PPIL2: variants seen among roughly 807,000 people sequenced by gnomAD.
PPIL2 encodes the protein peptidylprolyl isomerase like 2, also known as RING-type E3 ubiquitin-protein ligase PPIL2.
PPIL2 carries 50 observed loss-of-function variants against 75.2 expected under a neutral mutation model. The observed-to-expected ratio is 0.66, with a 90% confidence interval of 0.53 to 0.84. The LOEUF (loss-of-function observed/expected upper bound fraction) is 0.84. PPIL2 is among the 40% of genes least tolerant of loss of function. The pLI, the probability that PPIL2 is intolerant of heterozygous loss-of-function variation, is 0.00. For synonymous variants in PPIL2, 245 were observed against 258.8 expected, an observed-to-expected ratio of 0.95 and a Z score of 0.51; for missense variants, 590 against 685.0, an observed-to-expected ratio of 0.86 and a Z score of 1.55.
rs181571858 is a variant in PPIL2 at position 21,687,396 on chromosome 22, T to C, written c.898-247T>C. Among the ~76,000 whole-genome samples, 648 of 152,062 alleles carry C rather than the reference T, an allele frequency of 4.3e-3. 6 individuals are homozygous for C. Among genetic ancestry groups the C allele is most frequent in the African/African-American group, 0.015 (614 of 41,484 alleles). ...TGGGGAAACCCGTCTCTACTAAAAC[T>C]ACAAAAATTAGCCAGGCATGGTGGC... On this transcript the variant is annotated intron_variant, in intron 12 of 19. Transcript: ENST00000398831.
At position 21,671,439 on chromosome 22, in the gene PPIL2, TTGAGA is replaced by T. The variant is rs1281995871; in HGVS notation, c.191+382_191+386del. Among the ~76,000 whole-genome samples, 3 of 152,254 alleles carry T rather than the reference TTGAGA, an allele frequency of 2.0e-5. No individual in the cohort carries two copies. The East Asian group carries it at 5.8e-4, about 29-fold the overall frequency. On this transcript the variant is annotated intron_variant, in intron 4 of 19. Coordinates refer to ENST00000398831, the MANE Select transcript of PPIL2 (RefSeq NM_014337.4). ...TGTGAACTTATTTGTAGTAACATGA[TTGAGA>T]TAACACTGTGAACACTGTGAAGTGT...
chr22:21,674,665 T>G (rs1669121), intron 5 of PPIL2, among the ~76,000 whole-genome samples: 1 of 151,998 alleles, frequency 6.6e-6, no homozygotes, highest in African/African-American at 2.4e-5. Context: ...GTTGCCGCTG[T>G]ACTCCAGCCT....
chr22:21,695,219 T>C, intron 19 of PPIL2, 149 bp downstream of exon 19: 3 of 1,355,914 alleles, frequency 2.2e-6, no homozygotes, highest in Non-Finnish European at 2.9e-6. Context: ...GCCGAGGGAC[T>C]GCCTCTGAAG....
At chr22:21,687,841 AG>A (rs1601576655) in intron 13 of PPIL2, 109 bp downstream of exon 13, 1 of 1,188,366 alleles carries the variant, frequency 8.4e-7, no homozygotes, top group Non-Finnish European at 1.2e-6. Context: ...CACGGTGGCC[AG>A]GATGAGTCCA....
At chr22:21,675,820 C>G (rs1042337618) in intron 6 of PPIL2, among the ~76,000 whole-genome samples, 6 of 152,238 alleles carry the variant, frequency 3.9e-5, no homozygotes, top group African/African-American at 1.4e-4. Context: ...TCCAGTAGCT[C>G]TTGGGCTAGG....
intron 4 of PPIL2, among the ~76,000 whole-genome samples, chr22:21,671,651 T>G (rs139657938): frequency 4.5e-4 from 69 of 152,266 alleles, no homozygotes; most frequent in Non-Finnish European, 7.5e-4. Context: ...GAAGCAGTCC[T>G]TCCACCTCAG....
rs1322900932 is a variant in PPIL2 at position 21,696,895 on chromosome 22, GACC to G, written c.*1408_*1410del. 13 of 1,592,744 alleles carry G rather than the reference GACC, an allele frequency of 8.2e-6. No homozygotes were observed. The highest frequency in any genetic ancestry group is 1.1e-5 in the Non-Finnish European group (13 of 1,170,348). On this transcript the variant is annotated 3_prime_UTR_variant, in exon 20 of 20. Transcript: ENST00000398831. ...CATCCACTGCCACAGGCTGCCTGAT[GACC>G]ACTAGAGGTATGTCTGCCCCTCGTC... is the stretch of plus-strand genomic sequence containing the variant.
At chr22:21,677,890 G>A (rs1387499668) in intron 6 of PPIL2, among the ~76,000 whole-genome samples, 6 of 152,160 alleles carry the variant, frequency 3.9e-5, no homozygotes, top group African/African-American at 7.2e-5. Context: ...GGAGAGGGCC[G>A]CCCTGACCCG....
intron 13 of PPIL2, 77 bp from the exon 14 acceptor site, chr22:21,687,995 AG>A: frequency 6.4e-7 from 1 of 1,567,310 alleles, no homozygotes. Context: ...ATCTGGCAGG[AG>A]GGGTGTCCTT....
At chr22:21,681,083 C>T (rs1028614809) in intron 6 of PPIL2, among the ~76,000 whole-genome samples, 3 of 152,090 alleles carry the variant, frequency 2.0e-5, no homozygotes, top group Non-Finnish European at 4.4e-5. Flanking sequence ...GGGATTGGGT[C>T]TTGCAGGATG....
intron 1 of PPIL2, 96 bp downstream of exon 1, chr22:21,666,227 C>A (rs1208523234): frequency 7.2e-7 from 1 of 1,392,548 alleles, no homozygotes; most frequent in East Asian, 2.5e-5. Flanking sequence ...TCAGCTACTC[C>A]CCAGAGCACA....
At chr22:21,688,625 C>CA in intron 14 of PPIL2, 107 bp from the exon 15 acceptor site, 1 of 1,066,748 alleles carries the variant, frequency 9.4e-7, no homozygotes, top group Non-Finnish European at 1.4e-6. Context: ...GCCCCTGCCC[C>CA]AGGCTGGGCT....
At chr22:21,680,037 C>T (rs1472941916) in intron 6 of PPIL2, among the ~76,000 whole-genome samples, 1 of 151,064 alleles carries the variant, frequency 6.6e-6, no homozygotes, top group African/African-American at 2.4e-5. Flanking sequence ...TTGCAGTGAG[C>T]CGAGGAGATC....
rs2067902693 is a variant in PPIL2, at chr22:21,695,795, G to A, written c.*305G>A. ...GGCCTCCCCTCTAGTAGGCAGGCCA[G>A]GTTAGTGAGGAAGGACTGTGTCTCC... On this transcript the variant is annotated 3_prime_UTR_variant, in exon 20 of 20. Transcript: ENST00000398831. 1.6e-6 allele frequency: 2 copies of A among 1,218,596 alleles called. No homozygotes were observed. Among genetic ancestry groups the A allele is most frequent in the South Asian group, 1.7e-5 (1 of 58,458 alleles). The allele number at this position is 1,218,596 out of a possible 1,614,324, so 75.5% of individuals were successfully genotyped here.
chr22:21,692,872 A>G (rs2067736157), intron 15 of PPIL2, among the ~76,000 whole-genome samples: 8 of 149,506 alleles, frequency 5.4e-5, no homozygotes, highest in Admixed American at 5.3e-4. Flanking sequence ...CTTGCAGTGA[A>G]CCGACATCGC....
chr22:21,674,045 G>A (rs993400770), intron 5 of PPIL2, among the ~76,000 whole-genome samples: 15 of 152,200 alleles, frequency 9.9e-5, no homozygotes, highest in African/African-American at 1.7e-4. Context: ...CACGGAGGGC[G>A]GGGAGGGCAG....
chr22:21,683,003 T>G (rs796861292), intron 8 of PPIL2, among the ~76,000 whole-genome samples, 179 bp from the exon 9 acceptor site: 109 of 152,254 alleles, frequency 7.2e-4, no homozygotes, highest in African/African-American at 2.3e-3. Context: ...CCCCTGCCCC[T>G]GTTTGCTGCC....
intron 15 of PPIL2, 32 bp from the exon 16 acceptor site, chr22:21,693,784 G>A: frequency 6.6e-7 from 1 of 1,523,358 alleles, no homozygotes; most frequent in African/African-American, 1.4e-5. Context: ...AAGGTGCCAT[G>A]CTCTCCCTAA....
downstream of PPIL2, chr22:21,698,423 C>T (rs2068021700): frequency 6.6e-6 from 1 of 152,322 alleles, no homozygotes; most frequent in South Asian, 2.1e-4. Context: ...TATACAAAAA[C>T]CACTCGGTAG....
Sources: allele counts gnomAD v4.1 joint callset (sites outside exome capture counted in the v4.1 genomes callset), GRCh38; gene constraint gnomAD v4.1.1; transcripts MANE v1.5; gene names NCBI Gene and HGNC (gene_info 2026-07-23, HGNC 2026-07-21).